The following POU6F2 variants were observed in gnomAD, a reference collection of about 807,000 sequenced individuals.
POU6F2 encodes POU class 6 homeobox 2, also known as POU domain, class 6, transcription factor 2.
Under a neutral mutation model 71.3 loss-of-function variants are expected in POU6F2, and 31 were observed. The observed-to-expected ratio is 0.43, with a 90% CI of 0.33 to 0.59. The LOEUF (loss-of-function observed/expected upper bound fraction) is 0.59. Ranked by LOEUF, POU6F2 falls within the 20% of genes least tolerant of loss-of-function variation. The pLI, the probability that POU6F2 is intolerant of heterozygous loss-of-function variation, is 0.04. For missense variants in POU6F2, 783 were observed against 856.8 expected (o/e 0.91, Z 1.07); for synonymous variants, 347 against 355.7 (o/e 0.98, Z 0.27).
At chr7:39,087,084 C>A (rs1431745487) in intron 2 of POU6F2, among the ~76,000 whole-genome samples, 2 of 148,880 alleles carry the variant, frequency 1.3e-5, no homozygotes, top group African/African-American at 2.5e-5. Flanking sequence ...AAAAAAAAAT[C>A]ATTACATAGA....
intron 4 of POU6F2, among the ~76,000 whole-genome samples, chr7:39,282,880 A>G (rs1415335131): frequency 1.3e-5 from 2 of 152,140 alleles, no homozygotes; most frequent in East Asian, 3.8e-4. Flanking sequence ...TAGTATGAAC[A>G]TTTTAATAAT....
intron 6 of POU6F2, among the ~76,000 whole-genome samples, chr7:39,425,459 C>G (rs868666664): frequency 2.5e-4 from 38 of 152,174 alleles, no homozygotes; most frequent in African/African-American, 8.4e-4. Context: ...TTTTAGATAT[C>G]ATAACTATTG....
At chr7:39,235,776 G>C (rs12667875) in intron 4 of POU6F2, among the ~76,000 whole-genome samples, 59,203 of 151,958 alleles carry the variant, frequency 0.39, 12,582 homozygotes, top group East Asian at 0.68. Context: ...GAAGTAGCTA[G>C]CAAACGGAAA....
chr7:39,454,788 A>G (rs1195330465), intron 8 of POU6F2, among the ~76,000 whole-genome samples: 1 of 143,944 alleles, frequency 6.9e-6, no homozygotes, highest in Admixed American at 7.1e-5. Context: ...GGTCAAAACC[A>G]TGGCCAATGA....
At chr7:39,234,455 A>G (rs2128750482) in intron 4 of POU6F2, among the ~76,000 whole-genome samples, 1 of 152,262 alleles carries the variant, frequency 6.6e-6, no homozygotes, top group South Asian at 2.1e-4. Flanking sequence ...TTTGACCTGC[A>G]GAAAGTTAAT....
At chr7:39,359,906 G>T (rs2115705890) in intron 5 of POU6F2, among the ~76,000 whole-genome samples, 1 of 152,228 alleles carries the variant, frequency 6.6e-6, no homozygotes, top group South Asian at 2.1e-4. Flanking sequence ...GACTAATCAA[G>T]CATGAAGGGC....
At chr7:39,383,723 C>G (rs1786877562) in intron 5 of POU6F2, among the ~76,000 whole-genome samples, 1 of 152,194 alleles carries the variant, frequency 6.6e-6, no homozygotes, top group Non-Finnish European at 1.5e-5. Flanking sequence ...GCTTAGAGTG[C>G]TCGAACCAGA....
intron 2 of POU6F2, among the ~76,000 whole-genome samples, chr7:39,200,512 C>T (rs1406473542): frequency 1.3e-5 from 2 of 152,142 alleles, no homozygotes; most frequent in African/African-American, 2.4e-5. Context: ...GTAGGCTCTT[C>T]AGGACCCAAC....
chr7:39,099,125 G>A (rs1470552585), intron 2 of POU6F2, among the ~76,000 whole-genome samples: 1 of 152,232 alleles, frequency 6.6e-6, no homozygotes, highest in Non-Finnish European at 1.5e-5. Context: ...CTTATGGAGA[G>A]TACATAAGTG....
chr7:39,457,161 A>G (rs1788824878), intron 8 of POU6F2, among the ~76,000 whole-genome samples: 1 of 152,224 alleles, frequency 6.6e-6, no homozygotes, highest in East Asian at 1.9e-4. Flanking sequence ...CGGCAGAGGA[A>G]GGGAAGAAAG....
intron 7 of POU6F2, among the ~76,000 whole-genome samples, chr7:39,449,981 G>A (rs1434755145): frequency 6.6e-6 from 1 of 152,162 alleles, no homozygotes. Context: ...AAGGAGAGGA[G>A]GGAACATTGT....
chr7:39,286,676 G>A (rs1020361375), intron 4 of POU6F2, among the ~76,000 whole-genome samples: 4 of 152,074 alleles, frequency 2.6e-5, no homozygotes, highest in East Asian at 1.9e-4. Context: ...GCCCTATTAC[G>A]CCAGTTGACA....
intron 5 of POU6F2, among the ~76,000 whole-genome samples, chr7:39,376,364 A>G (rs550366335): frequency 6.6e-6 from 1 of 152,304 alleles, no homozygotes; most frequent in Admixed American, 6.5e-5. Flanking sequence ...ATGAAAATAA[A>G]CTGTGTTGGA....
At chr7:39,133,245 A>G (rs565104704) in intron 2 of POU6F2, among the ~76,000 whole-genome samples, 3 of 152,350 alleles carry the variant, frequency 2.0e-5, no homozygotes, top group Admixed American at 6.5e-5. Context: ...CTGGGGCTTC[A>G]TCTGCCACAG....
chr7:39,288,037 C>T (rs1247212872), intron 4 of POU6F2, among the ~76,000 whole-genome samples: 6 of 152,056 alleles, frequency 3.9e-5, no homozygotes, highest in Admixed American at 2.0e-4. Context: ...GGGCTTGGTT[C>T]GTAGCAATTA....
intron 1 of POU6F2, among the ~76,000 whole-genome samples, chr7:39,085,390 G>T (rs1265865503): frequency 3.3e-5 from 5 of 151,916 alleles, no homozygotes; most frequent in Non-Finnish European, 2.9e-5. Context: ...CTCCCCCGGG[G>T]AGAAGGCTTC....
intron 1 of POU6F2, among the ~76,000 whole-genome samples, chr7:38,999,566 C>A (rs563821323): frequency 3.4e-4 from 52 of 152,258 alleles, no homozygotes; most frequent in African/African-American, 1.2e-3. Flanking sequence ...GAACCATAGG[C>A]TTTTTCCCAC....
chr7:39,035,527 A>G (rs1790039579), intron 1 of POU6F2, among the ~76,000 whole-genome samples: 1 of 152,188 alleles, frequency 6.6e-6, no homozygotes, highest in Non-Finnish European at 1.5e-5. Flanking sequence ...CGACAAAGAC[A>G]AAAGTAACTG....
intron 2 of POU6F2, among the ~76,000 whole-genome samples, chr7:39,157,331 G>C (rs1243975219): frequency 6.6e-6 from 1 of 152,022 alleles, no homozygotes; most frequent in Non-Finnish European, 1.5e-5. Context: ...GTAATGAAAT[G>C]GTTATAAAGT....
Sources: gnomAD v4.1 joint callset for allele counts (sites outside exome capture counted in the v4.1 genomes callset) on GRCh38, gnomAD v4.1.1 for gene constraint, MANE v1.5 for transcripts, NCBI Gene and HGNC (gene_info 2026-07-23, HGNC 2026-07-21) for gene names.